Variants in CTNND2 observed in about 807,000 individuals in gnomAD.
The protein encoded by CTNND2 is catenin delta-2.
Under a neutral mutation model 144.4 loss-of-function variants are expected in CTNND2, and 22 were observed. The observed-to-expected ratio is 0.15, with a 90% CI of 0.11 to 0.22. The LOEUF is 0.22. Ranked by LOEUF, CTNND2 falls within the 10% of genes least tolerant of loss-of-function variation. The probability of loss-of-function intolerance (pLI) is 1.00; values close to 1 mark genes in which losing one functional copy is unlikely to be tolerated. For missense variants in CTNND2, 1,353 were observed against 1,618.8 expected (o/e 0.84, Z 2.82); for synonymous variants, 751 against 695.6 (o/e 1.08, Z -1.25).
chr5:11,408,763 C>T (rs569249720), intron 5 of CTNND2, among the ~76,000 whole-genome samples: 1 of 152,130 alleles, frequency 6.6e-6, no homozygotes, highest in East Asian at 1.9e-4. Context: ...ATATTGCAGG[C>T]AAACTAAAGT....
intron 16 of CTNND2, among the ~76,000 whole-genome samples, chr5:11,065,200 C>T (rs1301951643): frequency 6.6e-6 from 1 of 152,214 alleles, no homozygotes; most frequent in East Asian, 1.9e-4. Flanking sequence ...TAACCTGATT[C>T]AGTCACCTGG....
At chr5:11,292,467 G>T (rs965537664) in intron 9 of CTNND2, among the ~76,000 whole-genome samples, 1 of 137,078 alleles carries the variant, frequency 7.3e-6, no homozygotes, top group African/African-American at 2.6e-5. Context: ...ATGTGTGGAG[G>T]GCGGGATGTG....
chr5:11,389,218 AG>A (rs1462497087), intron 6 of CTNND2, among the ~76,000 whole-genome samples: 2 of 152,178 alleles, frequency 1.3e-5, no homozygotes, highest in Non-Finnish European at 2.9e-5. Context: ...CTTCAAAATG[AG>A]GAACCCATTT....
chr5:11,893,218 C>T (rs140487949), intron 1 of CTNND2, among the ~76,000 whole-genome samples: 1 of 152,232 alleles, frequency 6.6e-6, no homozygotes, highest in East Asian at 1.9e-4. Context: ...AGAGAATCGG[C>T]ACATGGAGAA....
At chr5:11,462,773 A>T (rs538664344) in intron 3 of CTNND2, among the ~76,000 whole-genome samples, 8 of 152,294 alleles carry the variant, frequency 5.3e-5, no homozygotes, top group African/African-American at 1.4e-4. Context: ...ATAAATACCA[A>T]CTAAGAAATG....
At chr5:11,307,337 G>A (rs982317936) in intron 9 of CTNND2, among the ~76,000 whole-genome samples, 1 of 145,172 alleles carries the variant, frequency 6.9e-6, no homozygotes, top group African/African-American at 2.7e-5. Context: ...GTGTGTGTGT[G>A]TGTGTGTACA....
intron 2 of CTNND2, among the ~76,000 whole-genome samples, chr5:11,679,527 T>C (rs1266826329): frequency 2.6e-5 from 4 of 152,222 alleles, no homozygotes; most frequent in Non-Finnish European, 5.9e-5. Context: ...TCAGCCAGGC[T>C]GCTTCTCACT....
intron 18 of CTNND2, among the ~76,000 whole-genome samples, chr5:11,017,640 A>T (rs1741768768): frequency 6.7e-6 from 1 of 149,304 alleles, no homozygotes. Flanking sequence ...TTACTTGTTA[A>T]CATTTGTTGA....
At chr5:11,823,003 TA>T (rs1209834069) in intron 1 of CTNND2, among the ~76,000 whole-genome samples, 6 of 152,356 alleles carry the variant, frequency 3.9e-5, no homozygotes, top group South Asian at 4.1e-4. Flanking sequence ...TAACAATAGA[TA>T]ATTAAAATAT....
chr5:11,162,884 T>TACACAC (rs34257746), intron 11 of CTNND2, among the ~76,000 whole-genome samples: 1,928 of 147,868 alleles, frequency 0.013, 37 homozygotes, highest in African/African-American at 0.041. Context: ...TCTTTCCTGC[T>TACACAC]ACACACACAC....
chr5:11,465,972 C>G (rs548106556), intron 3 of CTNND2, among the ~76,000 whole-genome samples: 5 of 152,056 alleles, frequency 3.3e-5, no homozygotes. Flanking sequence ...CAACTAAAAA[C>G]GAACTTCATG....
intron 2 of CTNND2, among the ~76,000 whole-genome samples, chr5:11,698,915 G>A (rs992774375): frequency 6.7e-6 from 1 of 149,910 alleles, no homozygotes; most frequent in Non-Finnish European, 1.5e-5. Flanking sequence ...AATAATTGAA[G>A]GATAATTAAT....
At chr5:11,066,733 G>C (rs1056216790) in intron 16 of CTNND2, among the ~76,000 whole-genome samples, 4 of 152,168 alleles carry the variant, frequency 2.6e-5, no homozygotes, top group African/African-American at 9.7e-5. Flanking sequence ...CCAACAGCGA[G>C]ACTCAGTGAG....
chr5:11,383,976 A>G (rs955813040), intron 7 of CTNND2, among the ~76,000 whole-genome samples: 1 of 152,182 alleles, frequency 6.6e-6, no homozygotes, highest in African/African-American at 2.4e-5. Context: ...TTCTCTCCCC[A>G]AGCCCAGCCC....
At chr5:11,094,773 A>AT (rs1291804088) in intron 15 of CTNND2, among the ~76,000 whole-genome samples, 5 of 152,126 alleles carry the variant, frequency 3.3e-5, no homozygotes, top group Non-Finnish European at 7.4e-5. Context: ...CAGTTCTTGC[A>AT]TTTTTTAACA....
At chr5:11,837,061 T>C (rs1479762475) in intron 1 of CTNND2, among the ~76,000 whole-genome samples, 1 of 152,222 alleles carries the variant, frequency 6.6e-6, no homozygotes, top group East Asian at 1.9e-4. Context: ...GTGGATCTGG[T>C]ACTTGTTGTT....
intron 16 of CTNND2, among the ~76,000 whole-genome samples, chr5:11,023,365 T>C (rs1289449762): frequency 6.6e-6 from 1 of 152,228 alleles, no homozygotes; most frequent in Non-Finnish European, 1.5e-5. Context: ...AGGTATTAGC[T>C]ATTATTATGT....
At chr5:11,440,823 G>T (rs1764195081) in intron 3 of CTNND2, among the ~76,000 whole-genome samples, 1 of 152,172 alleles carries the variant, frequency 6.6e-6, no homozygotes, top group Admixed American at 6.5e-5. Flanking sequence ...AGATGGCATG[G>T]ATAGAGTTAT....
chr5:11,352,276 G>A (rs972705915), intron 8 of CTNND2, among the ~76,000 whole-genome samples: 3 of 152,126 alleles, frequency 2.0e-5, no homozygotes, highest in Admixed American at 6.5e-5. Flanking sequence ...TATCACATTG[G>A]TTCTCAAACT....
Sources: gnomAD v4.1 joint callset for allele counts (sites outside exome capture counted in the v4.1 genomes callset) on GRCh38, gnomAD v4.1.1 for gene constraint, MANE v1.5 for transcripts, NCBI Gene and HGNC (gene_info 2026-07-23, HGNC 2026-07-21) for gene names.